SCAF11: variants seen among roughly 807,000 people sequenced by gnomAD.
SCAF11 encodes the protein protein SCAF11.
A neutral mutation model predicts 140.5 loss-of-function variants in SCAF11; 47 were observed. The ratio of observed to expected loss-of-function variants is 0.33; its 90% confidence interval spans 0.26 to 0.43. The LOEUF is 0.43. SCAF11 is among the 20% of genes least tolerant of loss of function. The probability of loss-of-function intolerance (pLI) is 1.00; values close to 1 mark genes in which losing one functional copy is unlikely to be tolerated. For synonymous variants in SCAF11, 557 were observed against 579.4 expected (o/e 0.96, Z 0.55); for missense variants, 1,645 against 1,705.1 (o/e 0.96, Z 0.62).
intron 1 of SCAF11, among the ~76,000 whole-genome samples, chr12:45,985,073 C>T (rs980766848): frequency 1.3e-5 from 2 of 152,166 alleles, no homozygotes; most frequent in African/African-American, 4.8e-5. Flanking sequence ...AACCATTCCT[C>T]CAAAGAGTGG....
At position 45,919,977 on chromosome 12, in the gene SCAF11, T is replaced by C. The variant is rs1439800587; in HGVS notation, c.*2071A>G. 1 of 152,248 alleles carries C rather than the reference T, an allele frequency of 6.6e-6. No homozygotes were observed. The highest frequency in any genetic ancestry group is 1.9e-4 in the East Asian group (1 of 5,202). 9.4% of individuals were successfully genotyped at this position (152,248 alleles called of 1,614,324 possible). On this transcript the variant is annotated 3_prime_UTR_variant, in exon 15 of 15. Coordinates refer to ENST00000369367, the MANE Select transcript of SCAF11 (RefSeq NM_004719.3). ...TAGGCTTAACTCAAAATACTTTCAA[T>C]GTTCACAAAATTGTTTCTAGAGTTC...
upstream of SCAF11, among the ~76,000 whole-genome samples, chr12:45,991,148 G>T (rs1346192940): frequency 6.6e-6 from 1 of 152,212 alleles, no homozygotes; most frequent in Non-Finnish European, 1.5e-5. Flanking sequence ...TGAAGAGTCG[G>T]CAATTTGGAA....
intron 3 of SCAF11, chr12:45,961,255 C>T (rs192666476): frequency 5.2e-5 from 37 of 707,454 alleles, no homozygotes; most frequent in Non-Finnish European, 8.4e-5. Context: ...AGGACACTAT[C>T]GTATCTGCTC....
In SCAF11 at chr12:45,928,595, C is replaced by G. The variant is rs748054782; in HGVS notation, c.1106G>C (p.Arg369Thr). The G allele has an allele frequency of 3.1e-6, 5 of 1,614,052 alleles. No individual in the cohort carries two copies. Among genetic ancestry groups the G allele is most frequent in the Non-Finnish European group, 4.2e-6 (5 of 1,179,990 alleles). ...TACAGACTTCCGTTTTGGAGCCTGT[C>G]TTGTTTGCTTTTCTGACTCAGCTGA... ...PSSAESEKQT[R>T]QAPKRKSVRR... The change falls in exon 11 of 15, where the codon AGA (arginine) becomes ACA (threonine). Residue 369 changes from arginine (R) to threonine (T), a missense_variant. By Grantham distance (71) the Arg-to-Thr change is moderately conservative (BLOSUM62 -1). Around this residue, in one of 2 missense-constraint regions of SCAF11, gnomAD observed 1,582 missense variants for 1,609.2 expected, o/e 0.98. Coordinates refer to ENST00000369367, the MANE Select transcript of SCAF11 (RefSeq NM_004719.3).
At chr12:45,940,143 T>G (rs1028713080) in intron 6 of SCAF11, among the ~76,000 whole-genome samples, 8 of 151,870 alleles carry the variant, frequency 5.3e-5, no homozygotes, top group Non-Finnish European at 8.8e-5. Context: ...AATGTGAAAA[T>G]TAAAAGAAAA....
chr12:45,977,724 C>G (rs1269859467), intron 1 of SCAF11, among the ~76,000 whole-genome samples: 2 of 152,108 alleles, frequency 1.3e-5, no homozygotes, highest in Admixed American at 1.3e-4. Context: ...CTACTGCCAA[C>G]ACAGAAGGCA....
At chr12:45,969,971 A>G (rs993133511) in intron 1 of SCAF11, among the ~76,000 whole-genome samples, 1 of 152,102 alleles carries the variant, frequency 6.6e-6, no homozygotes, top group Non-Finnish European at 1.5e-5. Context: ...ATCTCAGCTC[A>G]CCGCAACCTC....
chr12:45,928,985 A>G (rs1048071476), intron 10 of SCAF11, 126 bp from the exon 11 acceptor site: 1 of 491,836 alleles, frequency 2.0e-6, no homozygotes. Context: ...AAATAAAACT[A>G]TTAATAAATG....
Position 45,922,076 on chromosome 12 carries a change from G to A in SCAF11, c.4364C>T (p.Pro1455Leu). 3 of 1,613,238 alleles carry A rather than the reference G, an allele frequency of 1.9e-6. No homozygotes were observed. Among genetic ancestry groups the A allele is most frequent in the East Asian group, 2.2e-5 (1 of 44,802 alleles). ...GCCTATGTTTTTTTCAGTAGACACA[G>A]GTTCTTCCAGAGTTTTCTTTTGGCT... ...KGSQKKTLEE[P>L]VSTEKNIG The change falls in exon 15 of 15, where the codon CCT (proline) becomes CTT (leucine). Residue 1455 changes from proline (P) to leucine (L), a missense_variant. Physicochemically the swap from Pro to Leu is moderately conservative, Grantham distance 98 (BLOSUM62 -3). Around this residue, in one of 2 missense-constraint regions of SCAF11, gnomAD observed 63 missense variants for 95.9 expected, o/e 0.66. Coordinates refer to ENST00000369367, the MANE Select transcript of SCAF11 (RefSeq NM_004719.3).
Position 45,921,962 on chromosome 12 carries a change from A to C in SCAF11, c.*86T>G. 1 of 1,435,622 alleles carries C rather than the reference A, an allele frequency of 7.0e-7. No individual in the cohort carries two copies. Among genetic ancestry groups the C allele is most frequent in the South Asian group, 1.4e-5 (1 of 71,622 alleles). 88.9% of individuals were successfully genotyped at this position (1,435,622 alleles called of 1,614,324 possible). On this transcript the variant is annotated 3_prime_UTR_variant, in exon 15 of 15. Transcript: ENST00000369367. ...TTTATCAAAACCAAATTTCAATCAC[A>C]GTTATGTATGATTTTCAGTTAATGG...
intron 1 of SCAF11, among the ~76,000 whole-genome samples, chr12:45,989,978 C>CG (rs1946553545): frequency 6.6e-6 from 1 of 151,738 alleles, no homozygotes; most frequent in African/African-American, 2.4e-5. Flanking sequence ...AGCCCCTTCC[C>CG]CCCCCCCCGT....
intron 3 of SCAF11, among the ~76,000 whole-genome samples, chr12:45,957,590 T>C (rs1043487734): frequency 3.9e-5 from 6 of 152,160 alleles, no homozygotes; most frequent in African/African-American, 1.2e-4. Context: ...ACTGAAGCTG[T>C]TGGCATTTTA....
chr12:45,947,016 G>A (rs1401701532), intron 5 of SCAF11, among the ~76,000 whole-genome samples: 1 of 152,126 alleles, frequency 6.6e-6, no homozygotes, highest in Non-Finnish European at 1.5e-5. Context: ...CATCTAAGGA[G>A]CTTACAGTGT....
intron 6 of SCAF11, among the ~76,000 whole-genome samples, chr12:45,937,752 C>CT (rs1258814460): frequency 2.0e-5 from 3 of 152,212 alleles, no homozygotes; most frequent in African/African-American, 7.2e-5. Context: ...AGGTAGAGGA[C>CT]TAGAAGCCTC....
Position 45,924,745 on chromosome 12 carries a change from C to G in SCAF11, c.3889G>C (p.Asp1297His). The G allele has an allele frequency of 6.5e-7, 1 of 1,548,598 alleles. No homozygotes were observed. The highest frequency in any genetic ancestry group is 8.8e-7 in the Non-Finnish European group (1 of 1,136,258). The change falls in exon 12 of 15, where the codon GAT (aspartate) becomes CAT (histidine). Residue 1297 changes from aspartate to histidine, a missense_variant. Physicochemically the swap from Asp to His is moderately conservative, Grantham distance 81. Around this residue, in one of 2 missense-constraint regions of SCAF11, gnomAD observed 1,582 missense variants for 1,609.2 expected, o/e 0.98. Transcript: ENST00000369367. Reference protein sequence around the residue: ...QQVNYIASQPDGKQLQGIPSS... With the variant: ...QQVNYIASQPHGKQLQGIPSS... ...AAACATACCTGCAATTGCTTTCCAT[C>G]TGGTTGTGAAGCAATGTAGTTGACT...
chr12:45,953,942 A>G, intron 3 of SCAF11: 1 of 689,720 alleles, frequency 1.4e-6, no homozygotes, highest in Non-Finnish European at 2.0e-6. Flanking sequence ...TGGTTAATTA[A>G]CAAAAGACAA....
At chr12:45,942,795 C>A (rs1945335187) in intron 6 of SCAF11, among the ~76,000 whole-genome samples, 1 of 152,290 alleles carries the variant, frequency 6.6e-6, no homozygotes, top group African/African-American at 2.4e-5. Context: ...ACCCTTTAAT[C>A]TTTTACCCAG....
chr12:45,935,859 T>C (rs528520923), intron 6 of SCAF11, among the ~76,000 whole-genome samples: 1 of 152,358 alleles, frequency 6.6e-6, no homozygotes, highest in Non-Finnish European at 1.5e-5. Flanking sequence ...TCGATACTGG[T>C]GAATTTGTCT....
chr12:45,933,092 A>C, intron 9 of SCAF11, 39 bp downstream of exon 9: 1 of 1,320,942 alleles, frequency 7.6e-7, no homozygotes, highest in Non-Finnish European at 1.1e-6. Flanking sequence ...TGTTCATGTT[A>C]GCATGTAAAC....
Sources: allele counts gnomAD v4.1 joint callset (sites outside exome capture counted in the v4.1 genomes callset), GRCh38; gene constraint gnomAD v4.1.1; regional missense constraint gnomAD v4.1.1; transcripts MANE v1.5; gene names NCBI Gene and HGNC (gene_info 2026-07-23, HGNC 2026-07-21).